The following MCF2L variants were observed in gnomAD, a reference collection of about 807,000 sequenced individuals.
The protein encoded by MCF2L is MCF.2 cell line derived transforming sequence like.
Under a neutral mutation model 153.4 loss-of-function variants are expected in MCF2L, and 97 were observed. The ratio of observed to expected loss-of-function variants is 0.63; its 90% CI spans 0.54 to 0.75. The LOEUF (loss-of-function observed/expected upper bound fraction) is 0.75. Among genes scored for constraint, MCF2L ranks in the 30% least tolerant of loss-of-function variants. MCF2L has a pLI of 0.00. For missense variants in MCF2L, 1,347 were observed against 1,495.2 expected, an observed-to-expected ratio of 0.90 and a Z score of 1.64; for synonymous variants, 659 against 632.2, an observed-to-expected ratio of 1.04 and a Z score of -0.64.
rs143922457 is a variant in MCF2L, at chr13:113,017,945, G to A, written c.163+3099G>A. Among the ~76,000 whole-genome samples the A allele has an allele frequency of 1.0e-3, 155 of 152,360 alleles. 2 individuals are homozygous for A. The highest frequency in any genetic ancestry group is 3.4e-3 in the African/African-American group (140 of 41,578). On this transcript the variant is annotated intron_variant, in intron 2 of 29. Coordinates refer to ENST00000535094, the MANE Select transcript of MCF2L (RefSeq NM_001112732.3). ...ATTTTCCTTTTCAAGAGGAGACTGC[G>A]TTTCTTTCCACTTGCCCTGCTGATT...
intron 26 of MCF2L, chr13:113,091,193 G>T (rs960855858): frequency 3.8e-6 from 5 of 1,301,918 alleles, no homozygotes; most frequent in Non-Finnish European, 5.1e-6. Context: ...TTTGGTGTGC[G>T]AGGTAGAGTG....
chr13:112,982,872 C>T (rs182665032), intron 1 of MCF2L, among the ~76,000 whole-genome samples: 2 of 151,604 alleles, frequency 1.3e-5, no homozygotes, highest in East Asian at 1.9e-4. Flanking sequence ...AGAACAAGGG[C>T]GAGGATGGAA....
At chr13:113,095,461 G>A in intron 27 of MCF2L, 1 of 1,081,258 alleles carries the variant, frequency 9.2e-7, no homozygotes, top group South Asian at 2.7e-5. Context: ...TGGTGGAACA[G>A]GGTGCACGGG....
chr13:113,075,523 T>TG (rs1234665106), intron 11 of MCF2L, among the ~76,000 whole-genome samples: 1 of 152,086 alleles, frequency 6.6e-6, no homozygotes, highest in East Asian at 1.9e-4. Flanking sequence ...GTGATAGAGA[T>TG]GGGGTCTCAC....
intron 1 of MCF2L, among the ~76,000 whole-genome samples, chr13:112,972,417 A>T (rs2082071018): frequency 1.3e-5 from 1 of 74,718 alleles, no homozygotes; most frequent in African/African-American, 5.5e-5. Context: ...ATAGTGGATA[A>T]GTGGGTGGAT....
rs1469280399 is a variant in MCF2L at position 113,089,663 on chromosome 13, AC to A, written c.2893del (p.Leu965Ter). The stretch of plus-strand genomic sequence containing the variant: ...AAGAAGCTGGAAGAAAGGAAAACAG[AC>A]CCCCTAAGCCTGGAGGGATACGTCA... The part of the protein sequence containing the change: ...NIKKLEERKT[D>X]PLSLEGYVSS... On this transcript the variant is annotated frameshift_variant, in exon 26 of 30. Transcript: ENST00000535094. LOFTEE classifies it high-confidence loss of function. 1.9e-6 allele frequency: 3 copies of A among 1,613,668 alleles called. No homozygotes were observed. The highest frequency in any genetic ancestry group is 2.7e-5 in the African/African-American group (2 of 74,836).
intron 9 of MCF2L, among the ~76,000 whole-genome samples, chr13:113,073,790 C>T (rs905612162): frequency 6.6e-6 from 1 of 152,066 alleles, no homozygotes; most frequent in Admixed American, 6.5e-5. Flanking sequence ...TGGCTGGTGC[C>T]TGTAATCCCA....
intron 25 of MCF2L, 148 bp downstream of exon 25, chr13:113,088,776 T>C (rs1374129416): frequency 2.5e-6 from 2 of 788,624 alleles, no homozygotes; most frequent in Non-Finnish European, 4.2e-6. Context: ...TGCTGACGGG[T>C]CCGTCCCAGA....
At chr13:113,039,518 G>T (rs1463339228) in intron 3 of MCF2L, among the ~76,000 whole-genome samples, 4 of 152,178 alleles carry the variant, frequency 2.6e-5, no homozygotes, top group African/African-American at 9.7e-5. Flanking sequence ...GAACCATGAA[G>T]AGATCGACAC....
intron 1 of MCF2L, among the ~76,000 whole-genome samples, chr13:112,982,353 G>A (rs190036949): frequency 6.8e-4 from 103 of 152,328 alleles, no homozygotes; most frequent in African/African-American, 2.3e-3. Context: ...TGGACGCTGG[G>A]CCAAGGGTGG....
chr13:112,944,610 C>T (rs559048600), intron 2 of MCF2L, among the ~76,000 whole-genome samples: 348 of 143,098 alleles, frequency 2.4e-3, no homozygotes, highest in African/African-American at 8.6e-3. Context: ...CTCGCTCTGT[C>T]GCCCAGGCTG....
intron 8 of MCF2L, 72 bp from the exon 9 acceptor site, chr13:113,069,987 A>T: frequency 9.6e-7 from 1 of 1,039,346 alleles, no homozygotes; most frequent in Non-Finnish European, 1.4e-6. Context: ...GGGTCGCTTG[A>T]ACACCCACCG....
At chr13:113,086,366 C>A in intron 21 of MCF2L, 117 bp downstream of exon 21, 1 of 1,465,726 alleles carries the variant, frequency 6.8e-7, no homozygotes, top group Non-Finnish European at 9.2e-7. Context: ...AGGTTCTGGG[C>A]AGGAGGTCTG....
chr13:113,054,450 T>C lies in MCF2L; in HGVS notation c.370-6143T>C, dbSNP rs1248463482. 6.0e-6 allele frequency: 1 copy of C among 167,044 alleles called. No homozygotes were observed. The highest frequency in any genetic ancestry group is 1.5e-5 in the Non-Finnish European group (1 of 68,144). 10.3% of individuals were successfully genotyped at this position (167,044 alleles called of 1,614,324 possible). A position where few individuals can be genotyped will look rare whatever the true frequency, so the allele number is the denominator to read the frequency against. The stretch of plus-strand genomic sequence containing the variant: ...CTGCAGGAACAGGGTCCACGCCCAT[T>C]GTTTTCCTCACCCGGTCCAGCGTCT... On this transcript the variant is annotated intron_variant, in intron 4 of 29. Transcript: ENST00000535094. This position sits in a 1 kb window ranked among gnomAD's most constrained non-coding sequence, Gnocchi z 5.2.
chr13:113,062,486 C>T (rs1204878657), intron 5 of MCF2L, among the ~76,000 whole-genome samples: 1 of 152,068 alleles, frequency 6.6e-6, no homozygotes, highest in African/African-American at 2.4e-5. Context: ...GGCTTTGTGA[C>T]CACAGACGTG....
chr13:113,094,481 G>C (rs947480995), intron 26 of MCF2L, 33 bp from the exon 27 acceptor site: 1 of 1,584,580 alleles, frequency 6.3e-7, no homozygotes, highest in Non-Finnish European at 8.6e-7. Flanking sequence ...GCTCATCACC[G>C]GGGGGTCCCT....
At chr13:113,030,327 T>G (rs554859913) in intron 3 of MCF2L, among the ~76,000 whole-genome samples, 22 of 134,692 alleles carry the variant, frequency 1.6e-4, no homozygotes, top group African/African-American at 6.4e-4. Context: ...GACCCTCAGG[T>G]GTCTGCCGAC....
chr13:112,968,338 C>A, upstream of MCF2L: 2 of 1,293,494 alleles, frequency 1.5e-6, no homozygotes, highest in Non-Finnish European at 2.1e-6. Context: ...GCGAGGAGAG[C>A]TCAGAGAGTT....
rs781663311 is a variant in MCF2L, at chr13:113,087,818, C to A, written c.2688+19C>A. ...CGTCCAGGTGGGCCACCCACCCTAC[C>A]CCTGGCCTCTTACACATTGCCACGA... is the stretch of plus-strand genomic sequence containing the variant. On this transcript the variant is annotated intron_variant, in intron 23 of 29. Transcript: ENST00000535094. 2.5e-6 allele frequency: 4 copies of A among 1,603,646 alleles called. No homozygotes were observed. The highest frequency in any genetic ancestry group is 3.4e-6 in the Non-Finnish European group (4 of 1,170,874).
Sources: allele counts gnomAD v4.1 joint callset (sites outside exome capture counted in the v4.1 genomes callset), GRCh38; gene constraint gnomAD v4.1.1; non-coding constraint Gnocchi (gnomAD v3.1); transcripts MANE v1.5; gene names NCBI Gene and HGNC (gene_info 2026-07-23, HGNC 2026-07-21).